The following TRAPPC10 variants were observed in gnomAD, a reference collection of about 807,000 sequenced individuals.
TRAPPC10 encodes trafficking protein particle complex subunit 10.
TRAPPC10 carries 23 observed loss-of-function variants against 125.5 expected under a neutral mutation model. The observed-to-expected ratio is 0.18, with a 90% CI of 0.13 to 0.26. TRAPPC10 has a LOEUF of 0.26. Among genes scored for constraint, TRAPPC10 ranks in the 10% least tolerant of loss-of-function variants. The probability of loss-of-function intolerance (pLI) is 1.00; values close to 1 mark genes in which losing one functional copy is unlikely to be tolerated. For synonymous variants in TRAPPC10, 509 were observed against 518.0 expected (o/e 0.98, Z 0.24); for missense variants, 1,123 against 1,308.4 (o/e 0.86, Z 2.19).
intron 6 of TRAPPC10, chr21:44,062,920 G>C: frequency 1.6e-6 from 2 of 1,251,666 alleles, no homozygotes; most frequent in South Asian, 2.8e-5. Flanking sequence ...ACATTGTTAT[G>C]CTTATTTTAA....
rs757920646 is a variant in TRAPPC10, at chr21:44,059,432, A to C, written c.790+218A>C. 1.4e-5 allele frequency: 10 copies of C among 705,742 alleles called. No homozygotes were observed. The South Asian group carries it at 1.5e-4, about 11-fold the overall frequency. 43.7% of individuals were successfully genotyped at this position (705,742 alleles called of 1,614,324 possible). On this transcript the variant is annotated intron_variant, in intron 6 of 22. Transcript: ENST00000291574. The surrounding 1 kb of genome is among the most constrained non-coding windows in gnomAD (Gnocchi z 4.4). ...CTTTTAGAAGAATCTTAAGTAACAAAAATAATAATAATTTAAAAAAACTGT... is the reference window on the plus strand; with the variant it reads ...CTTTTAGAAGAATCTTAAGTAACAACAATAATAATAATTTAAAAAAACTGT...
At chr21:44,029,504 A>G (rs2033385715) in intron 1 of TRAPPC10, among the ~76,000 whole-genome samples, 1 of 152,214 alleles carries the variant, frequency 6.6e-6, no homozygotes, top group Non-Finnish European at 1.5e-5. Context: ...TAATGGTTGT[A>G]TATGCTGAGA....
chr21:44,074,997 T>G (rs766396227), intron 8 of TRAPPC10, 42 bp from the exon 9 acceptor site: 2 of 1,392,952 alleles, frequency 1.4e-6, no homozygotes, highest in Non-Finnish European at 2.0e-6. Flanking sequence ...CCCTGCTGAC[T>G]CTTACGGCAA....
chr21:44,089,517 G>A (rs1373393142), intron 17 of TRAPPC10: 1 of 490,828 alleles, frequency 2.0e-6, no homozygotes, highest in Non-Finnish European at 4.0e-6. Context: ...CCGCGGCCCT[G>A]CGTGTATGGG....
chr21:44,039,098 G>C (rs1462879821), intron 3 of TRAPPC10, among the ~76,000 whole-genome samples: 1 of 152,192 alleles, frequency 6.6e-6, no homozygotes, highest in Non-Finnish European at 1.5e-5. Flanking sequence ...TTCCTCCCTG[G>C]CGTGGGGCTG....
At position 44,058,843 on chromosome 21, in the gene TRAPPC10, A is replaced by G. The variant is rs1367762990; in HGVS notation, c.679-260A>G. ...GGTCCTGGACAGCAGGAAACATCCC[A>G]AGGACAGGGGGGTGACCAGTTATAT... On this transcript the variant is annotated intron_variant, in intron 5 of 22. Coordinates refer to ENST00000291574, the MANE Select transcript of TRAPPC10 (RefSeq NM_003274.5). 2.6e-5 allele frequency among the ~76,000 whole-genome samples: 4 copies of G among 152,344 alleles called. No homozygotes were observed. In the East Asian group the frequency reaches 5.8e-4, roughly 22 times the overall value.
intron 13 of TRAPPC10, among the ~76,000 whole-genome samples, chr21:44,081,005 C>CTTTTTTTTTTTTTTTT (rs71326026): frequency 4.8e-5 from 5 of 103,870 alleles, no homozygotes; most frequent in East Asian, 2.7e-4. Context: ...TATTATTGTT[C>CTTTTTTTTTTTTTTTT]TTTTTTTTTT....
rs538450088 is a variant in TRAPPC10 at position 44,054,778 on chromosome 21, C to T, written c.483-920C>T. ...TTATTAACCTTCCCCTTCAAGAGCT[C>T]ACAGGCTAGTGGGAGGGATAGAGGT... On this transcript the variant is annotated intron_variant, in intron 4 of 22. Transcript: ENST00000291574. 1.3e-3 allele frequency among the ~76,000 whole-genome samples: 198 copies of T among 152,296 alleles called. 2 individuals carry two copies. The highest frequency in any genetic ancestry group is 4.6e-3 in the African/African-American group (192 of 41,550).
chr21:44,072,361 G>C (rs1034911681), intron 7 of TRAPPC10, among the ~76,000 whole-genome samples: 1 of 152,224 alleles, frequency 6.6e-6, no homozygotes, highest in Admixed American at 6.5e-5. Context: ...CGGCTCCGCT[G>C]CTGTGGCTCC....
In TRAPPC10 at chr21:44,090,026, C is replaced by T. The variant is rs188689031; in HGVS notation, c.2870+93C>T. On this transcript the variant is annotated intron_variant, in intron 18 of 22. Transcript: ENST00000291574. The stretch of plus-strand genomic sequence containing the variant: ...GTTCAAAACTGGCCTTCGTGGTGAC[C>T]AAGGATGTCTTCTTATGTGACCACA... The T allele has an allele frequency of 1.9e-4, 175 of 915,130 alleles. No individual in the cohort carries two copies. In the African/African-American group the frequency reaches 2.4e-3, roughly 13 times the overall value. 56.7% of individuals were successfully genotyped at this position (915,130 alleles called of 1,614,324 possible). A position where few individuals can be genotyped will look rare whatever the true frequency, so the allele number is the denominator to read the frequency against.
At chr21:44,060,915 T>TACATACACAC (rs60633801) in intron 6 of TRAPPC10, among the ~76,000 whole-genome samples, 1,937 of 132,204 alleles carry the variant, frequency 0.015, 36 homozygotes, top group South Asian at 0.059. Flanking sequence ...CATACATACA[T>TACATACACAC]ACACACACAC....
chr21:44,063,776 G>A lies in TRAPPC10; in HGVS notation c.1029G>A (p.Lys343=), dbSNP rs1203238952. 4 of 1,611,372 alleles carry A rather than the reference G, an allele frequency of 2.5e-6. No individual in the cohort carries two copies. Among genetic ancestry groups the A allele is most frequent in the Non-Finnish European group, 3.4e-6 (4 of 1,178,450 alleles). ...TGCACAACTGCGTGCAGGAACTGAAGCTCTTAGAAGTGAGTCGGCTGTTTT... is the reference window on the plus strand; with the variant it reads ...TGCACAACTGCGTGCAGGAACTGAAACTCTTAGAAGTGAGTCGGCTGTTTT... ...ELLHNCVQEL[K]LLEVSVPPGA... Residue 343 remains lysine, a synonymous_variant, in exon 7 of 23, where the codon AAG becomes AAA. Transcript: ENST00000291574. The surrounding 1 kb of genome is among the most constrained non-coding windows in gnomAD (Gnocchi z 4.4).
intron 3 of TRAPPC10, among the ~76,000 whole-genome samples, chr21:44,047,960 A>C (rs1057494494): frequency 1.3e-5 from 2 of 152,138 alleles, no homozygotes; most frequent in African/African-American, 4.8e-5. Context: ...TTATGATTTG[A>C]TAGGTCTGGA....
chr21:44,090,236 A>G (rs2038477124), intron 18 of TRAPPC10, among the ~76,000 whole-genome samples: 1 of 151,640 alleles, frequency 6.6e-6, no homozygotes, highest in Non-Finnish European at 1.5e-5. Flanking sequence ...CAAGCCATCG[A>G]CTTGTTCACT....
rs1265785237 is a variant in TRAPPC10, at chr21:44,087,633, CT to C, written c.2540-65del. The C allele has an allele frequency of 6.9e-7, 1 of 1,447,866 alleles. No homozygotes were observed. Among genetic ancestry groups the C allele is most frequent in the Non-Finnish European group, 9.6e-7 (1 of 1,042,620 alleles). The allele number at this position is 1,447,866 out of a possible 1,614,324, so 89.7% of individuals were successfully genotyped here. ...GGCCTCACTGCTGGGCCATCACCTG[CT>C]GTAAGGAAAAGGACAAGTGAAACCG... On this transcript the variant is annotated intron_variant, in intron 16 of 22. Coordinates refer to ENST00000291574, the MANE Select transcript of TRAPPC10 (RefSeq NM_003274.5). The surrounding 1 kb of genome is among the most constrained non-coding windows in gnomAD (Gnocchi z 4.6).
rs754369499 is a variant in TRAPPC10 at position 44,092,029 on chromosome 21, C to G, written c.2977C>G (p.Leu993Val). ...GDSTDLQLVP[L>V]NTQSQQPIYS... The stretch of plus-strand genomic sequence containing the variant: ...TAGTACCGACCTGCAACTAGTACCA[C>G]TGAACACGCAGTCCCAGCAGGTAAA... The change falls in exon 19 of 23, where the codon CTG becomes GTG. Residue 993 changes from leucine (L) to valine (V), a missense_variant. Leu to Val is a conservative substitution (Grantham distance 32). Coordinates refer to ENST00000291574, the MANE Select transcript of TRAPPC10 (RefSeq NM_003274.5). 1 of 1,614,048 alleles carries G rather than the reference C, an allele frequency of 6.2e-7. No individual in the cohort carries two copies. Among genetic ancestry groups the G allele is most frequent in the Non-Finnish European group, 8.5e-7 (1 of 1,180,012 alleles).
At chr21:44,060,527 C>G (rs556268624) in intron 6 of TRAPPC10, among the ~76,000 whole-genome samples, 1 of 152,048 alleles carries the variant, frequency 6.6e-6, no homozygotes, top group Admixed American at 6.6e-5. Context: ...TGATCCGCCT[C>G]AGCCTCCCAA....
intron 3 of TRAPPC10, among the ~76,000 whole-genome samples, chr21:44,047,377 C>T (rs373283804): frequency 4.6e-5 from 7 of 152,144 alleles, no homozygotes; most frequent in South Asian, 2.1e-4. Flanking sequence ...AATGGGGTTT[C>T]GCCATGTTGG....
intron 1 of TRAPPC10, among the ~76,000 whole-genome samples, chr21:44,026,800 C>G (rs1397945991): frequency 6.6e-6 from 1 of 152,198 alleles, no homozygotes; most frequent in Non-Finnish European, 1.5e-5. Flanking sequence ...ATGACCCAGC[C>G]CATGGTTGAG....
Sources: allele counts gnomAD v4.1 joint callset (sites outside exome capture counted in the v4.1 genomes callset), GRCh38; gene constraint gnomAD v4.1.1; non-coding constraint Gnocchi (gnomAD v3.1); transcripts MANE v1.5; gene names NCBI Gene and HGNC (gene_info 2026-07-23, HGNC 2026-07-21).